TANGO6: variants seen among roughly 807,000 people sequenced by gnomAD.
The protein encoded by TANGO6 is transport and Golgi organization protein 6 homolog.
In TANGO6, 90 loss-of-function variants were observed where a neutral mutation model predicts 114.2. The ratio of observed to expected loss-of-function variants is 0.79; its 90% confidence interval spans 0.66 to 0.94. The LOEUF (loss-of-function observed/expected upper bound fraction) is 0.94. TANGO6 is among the 40% of genes least tolerant of loss of function. TANGO6 has a pLI of 0.00. For missense variants in TANGO6, 1,274 were observed against 1,315.3 expected, an observed-to-expected ratio of 0.97 and a Z score of 0.49; for synonymous variants, 477 against 509.8, an observed-to-expected ratio of 0.94 and a Z score of 0.87.
At position 68,974,029 on chromosome 16, in the gene TANGO6, G is replaced by C. The variant is rs1443555996; in HGVS notation, c.2703G>C (p.Gly901=). ...CTTTCTTTTTGTTTTCAACCCCAGG[G>C]GTTGCCCTGCTGTCAGACGTCTATC... ...DTFVYLSAIQ[G]VALLSDVYPE... The change falls in exon 15 of 18, where the codon GGG becomes GGC. Residue 901 remains glycine (G), a splice_region_variant and synonymous_variant. Coordinates refer to ENST00000261778, the MANE Select transcript of TANGO6 (RefSeq NM_024562.2). 6.2e-7 allele frequency: 1 copy of C among 1,604,262 alleles called. No individual in the cohort carries two copies. Among genetic ancestry groups the C allele is most frequent in the Non-Finnish European group, 8.5e-7 (1 of 1,175,498 alleles).
At chr16:69,067,253 T>TA (rs1310914737) in intron 17 of TANGO6, among the ~76,000 whole-genome samples, 6 of 151,608 alleles carry the variant, frequency 4.0e-5, no homozygotes, top group Non-Finnish European at 7.4e-5. Context: ...TCATGCCTGT[T>TA]ATCCCAGCAC....
Position 68,964,508 on chromosome 16 carries a change from TA to T in TANGO6, c.2702-9519del, listed in dbSNP as rs199882096. Among the ~76,000 whole-genome samples, 876 of 152,094 alleles carry T rather than the reference TA, an allele frequency of 5.8e-3. 10 individuals are homozygous for T. Among genetic ancestry groups the T allele is most frequent in the African/African-American group, 0.02 (824 of 41,442 alleles). On this transcript the variant is annotated intron_variant, in intron 14 of 17. Coordinates refer to ENST00000261778, the MANE Select transcript of TANGO6 (RefSeq NM_024562.2). ...AGAGACGATTTTGCATCTTGCTTTTTACTTAACAATAGCTCTTAGAATTCAT... is the reference window on the plus strand; with the variant it reads ...AGAGACGATTTTGCATCTTGCTTTTTCTTAACAATAGCTCTTAGAATTCAT...
intron 17 of TANGO6, among the ~76,000 whole-genome samples, chr16:69,068,453 G>A (rs1960250211): frequency 6.6e-6 from 1 of 152,190 alleles, no homozygotes; most frequent in African/African-American, 2.4e-5. Flanking sequence ...AATGATAATT[G>A]TGTTGTGGGG....
intron 15 of TANGO6, among the ~76,000 whole-genome samples, chr16:68,980,617 G>T (rs1963825350): frequency 6.6e-6 from 1 of 151,216 alleles, no homozygotes; most frequent in East Asian, 2.0e-4. Flanking sequence ...GAGCCCAGGG[G>T]TTTGAGGTTG....
intron 15 of TANGO6, among the ~76,000 whole-genome samples, chr16:69,018,227 T>C (rs560317098): frequency 7.1e-6 from 1 of 140,256 alleles, no homozygotes; most frequent in South Asian, 2.5e-4. Context: ...CACTGCAAGC[T>C]CCGCCTCCCG....
intron 11 of TANGO6, among the ~76,000 whole-genome samples, chr16:68,911,028 TA>T (rs1178016643): frequency 6.6e-6 from 1 of 152,172 alleles, no homozygotes; most frequent in Non-Finnish European, 1.5e-5. Context: ...GAAAATAAGT[TA>T]ATGTAATTTT....
At chr16:69,015,750 G>A (rs1959285772) in intron 15 of TANGO6, among the ~76,000 whole-genome samples, 1 of 152,024 alleles carries the variant, frequency 6.6e-6, no homozygotes, top group African/African-American at 2.4e-5. Context: ...AAAGTGCTGG[G>A]ATTACAGGCA....
intron 14 of TANGO6, among the ~76,000 whole-genome samples, chr16:68,950,962 G>A (rs1963466132): frequency 6.6e-6 from 1 of 152,058 alleles, no homozygotes; most frequent in Non-Finnish European, 1.5e-5. Flanking sequence ...GGGTGGGCAG[G>A]ATTTAGACAC....
chr16:69,084,644 G>A lies in TANGO6; in HGVS notation c.*983G>A, dbSNP rs1960512594. ...TGCAGCTAAAAGAGATAACAGAAAG[G>A]AGATACTGGCTGGCTGCTTCATATT... On this transcript the variant is annotated 3_prime_UTR_variant, in exon 18 of 18. Coordinates refer to ENST00000261778, the MANE Select transcript of TANGO6 (RefSeq NM_024562.2). 1.3e-5 allele frequency: 2 copies of A among 152,336 alleles called. No individual in the cohort carries two copies. Among genetic ancestry groups the A allele is most frequent in the South Asian group, 4.1e-4 (2 of 4,824 alleles). 9.4% of individuals were successfully genotyped at this position (152,336 alleles called of 1,614,324 possible). A position where few individuals can be genotyped will look rare whatever the true frequency, so the allele number is the denominator to read the frequency against.
At chr16:68,913,414 T>TC (rs1198217236) in intron 11 of TANGO6, among the ~76,000 whole-genome samples, 1 of 145,916 alleles carries the variant, frequency 6.9e-6, no homozygotes, top group East Asian at 2.0e-4. Context: ...ATTTTTTTTT[T>TC]TTTTTTTTTT....
At chr16:69,000,276 A>G (rs974601469) in intron 15 of TANGO6, among the ~76,000 whole-genome samples, 42 of 152,292 alleles carry the variant, frequency 2.8e-4, no homozygotes, top group African/African-American at 9.9e-4. Flanking sequence ...CAAATATGTC[A>G]TTTTTTGACT....
intron 16 of TANGO6, among the ~76,000 whole-genome samples, chr16:69,027,120 C>T (rs904753579): frequency 6.6e-6 from 1 of 152,188 alleles, no homozygotes; most frequent in African/African-American, 2.4e-5. Context: ...CCTCGGCCTC[C>T]CGAAGTGCTG....
Position 69,083,476 on chromosome 16 carries a change from C to T in TANGO6, c.3109-9C>T. On this transcript the variant is annotated splice_polypyrimidine_tract_variant and intron_variant, in intron 17 of 17. Transcript: ENST00000261778. The stretch of plus-strand genomic sequence containing the variant: ...TAGACAGGCGGTCATGGCTGTCTCT[C>T]TCATGCAGGTGCTGAGCGCCGTCCT... 2.5e-6 allele frequency: 4 copies of T among 1,603,892 alleles called. No individual in the cohort carries two copies. Among genetic ancestry groups the T allele is most frequent in the Non-Finnish European group, 2.6e-6 (3 of 1,174,406 alleles).
Position 68,867,239 on chromosome 16 carries a change from C to T in TANGO6, c.994+19C>T. 4 of 1,613,328 alleles carry T rather than the reference C, an allele frequency of 2.5e-6. No individual in the cohort carries two copies. Among genetic ancestry groups the T allele is most frequent in the Non-Finnish European group, 3.4e-6 (4 of 1,179,652 alleles). ...GCAGGTGGTAAGAAATAAAATGTTG[C>T]TGTGACTTTGGTATCTGTTTTCCTT... is the stretch of plus-strand genomic sequence containing the variant. On this transcript the variant is annotated intron_variant, in intron 4 of 17. Transcript: ENST00000261778.
intron 15 of TANGO6, among the ~76,000 whole-genome samples, chr16:68,992,327 T>G (rs1963953043): frequency 6.6e-6 from 1 of 152,220 alleles, no homozygotes; most frequent in African/African-American, 2.4e-5. Flanking sequence ...GGTTTTGATC[T>G]CGACTCTAAC....
rs117243963 is a variant in TANGO6, at chr16:68,926,480, C to T, written c.2128-1088C>T. On this transcript the variant is annotated intron_variant, in intron 12 of 17. Transcript: ENST00000261778. ...TTGCACTCCAGCCTAGGCAGCAGAG[C>T]GAGACTCCGTTTCCAAAAAGAAAAG... Among the ~76,000 whole-genome samples, 9 of 150,932 alleles carry T rather than the reference C, an allele frequency of 6.0e-5. No individual in the cohort carries two copies. The East Asian group carries it at 1.4e-3, about 23-fold the overall frequency.
At chr16:68,921,048 GGCGGAGGTTGCAGTGA>G (rs1963084491) in intron 12 of TANGO6, among the ~76,000 whole-genome samples, 1 of 149,488 alleles carries the variant, frequency 6.7e-6, no homozygotes. Context: ...GGTTGCAGTG[GGCGGAGGTTGCAGTGA>G]GCCGAGATCG....
At chr16:68,868,722 C>A (rs1417469119) in intron 4 of TANGO6, among the ~76,000 whole-genome samples, 1 of 152,018 alleles carries the variant, frequency 6.6e-6, no homozygotes, top group Non-Finnish European at 1.5e-5. Context: ...TGGTCTTGAT[C>A]TTCTGACCTC....
At chr16:68,986,377 A>T (rs1011837434) in intron 15 of TANGO6, among the ~76,000 whole-genome samples, 2 of 151,926 alleles carry the variant, frequency 1.3e-5, no homozygotes, top group Non-Finnish European at 2.9e-5. Context: ...TCCTCAGATT[A>T]CTCTATATTC....
Sources: gnomAD v4.1 joint callset for allele counts (sites outside exome capture counted in the v4.1 genomes callset) on GRCh38, gnomAD v4.1.1 for gene constraint, MANE v1.5 for transcripts, NCBI Gene and HGNC (gene_info 2026-07-23, HGNC 2026-07-21) for gene names.